Variants in ADGRB3 observed in about 807,000 individuals in gnomAD.
The protein encoded by ADGRB3 is brain-specific angiogenesis inhibitor 3.
Under a neutral mutation model 193.4 loss-of-function variants are expected in ADGRB3, and 37 were observed. The observed-to-expected ratio is 0.19, with a 90% CI of 0.15 to 0.25. The LOEUF (loss-of-function observed/expected upper bound fraction) is 0.25, where lower values mean the gene tolerates loss of function less well. Ranked by LOEUF, ADGRB3 falls within the 10% of genes least tolerant of loss-of-function variation. The pLI, the probability that ADGRB3 is intolerant of heterozygous loss-of-function variation, is 1.00. For missense variants in ADGRB3, 1,637 were observed against 1,852.9 expected (o/e 0.88, Z 2.14); for synonymous variants, 690 against 644.2 (o/e 1.07, Z -1.08).
At chr6:69,142,942 A>T in intron 17 of ADGRB3, among the ~76,000 whole-genome samples, 1 of 152,126 alleles carries the variant, frequency 6.6e-6, no homozygotes, top group East Asian at 1.9e-4. Flanking sequence ...GCTGGATCAT[A>T]TGGTACCTCT....
At chr6:68,988,433 G>A (rs1368004622) in intron 10 of ADGRB3, among the ~76,000 whole-genome samples, 3 of 152,152 alleles carry the variant, frequency 2.0e-5, no homozygotes, top group Admixed American at 2.0e-4. Flanking sequence ...GCAGGGAGAA[G>A]TGGTGAGAAA....
chr6:68,902,833 TAA>T (rs539938456), intron 3 of ADGRB3, among the ~76,000 whole-genome samples: 1 of 152,152 alleles, frequency 6.6e-6, no homozygotes, highest in Non-Finnish European at 1.5e-5. Flanking sequence ...AGACACTGAT[TAA>T]AAGTCTTTCT....
intron 3 of ADGRB3, among the ~76,000 whole-genome samples, chr6:68,641,104 C>A (rs1768073866): frequency 6.6e-6 from 1 of 152,156 alleles, no homozygotes; most frequent in African/African-American, 2.4e-5. Context: ...GGCTAATAAA[C>A]CATTAACATA....
chr6:69,119,480 T>A (rs1201689154), intron 17 of ADGRB3, among the ~76,000 whole-genome samples: 1 of 152,028 alleles, frequency 6.6e-6, no homozygotes, highest in African/African-American at 2.4e-5. Flanking sequence ...TTTGAAAAAA[T>A]AAAAAGTAGA....
intron 20 of ADGRB3, among the ~76,000 whole-genome samples, chr6:69,263,128 A>G (rs1164135026): frequency 6.6e-6 from 1 of 152,016 alleles, no homozygotes; most frequent in African/African-American, 2.4e-5. Context: ...AAAGGAAGCA[A>G]TAAACACCAC....
At chr6:68,866,690 A>T (rs935816930) in intron 3 of ADGRB3, among the ~76,000 whole-genome samples, 1 of 152,184 alleles carries the variant, frequency 6.6e-6, no homozygotes, top group Non-Finnish European at 1.5e-5. Context: ...TGGTATGGAC[A>T]ATGAAGTCCA....
chr6:68,952,088 T>C (rs952916364), intron 6 of ADGRB3, among the ~76,000 whole-genome samples: 2 of 152,294 alleles, frequency 1.3e-5, no homozygotes, highest in Admixed American at 1.3e-4. Context: ...ACAAATTCTA[T>C]CTGGAAATGC....
intron 20 of ADGRB3, among the ~76,000 whole-genome samples, chr6:69,271,943 C>A (rs1314213201): frequency 6.6e-6 from 1 of 151,954 alleles, no homozygotes. Flanking sequence ...AGAAAGGTAC[C>A]ATTTCTTATT....
intron 17 of ADGRB3, among the ~76,000 whole-genome samples, chr6:69,085,737 C>G (rs1016795581): frequency 5.9e-5 from 9 of 151,660 alleles, no homozygotes; most frequent in Admixed American, 2.0e-4. Flanking sequence ...TTAAAGGTAC[C>G]TAACATTGAC....
intron 20 of ADGRB3, among the ~76,000 whole-genome samples, chr6:69,243,233 G>A (rs1386941309): frequency 1.3e-5 from 2 of 151,890 alleles, no homozygotes; most frequent in Admixed American, 6.6e-5. Context: ...GCAAGTCTAA[G>A]TCCAAATTTT....
chr6:68,667,043 T>G (rs953729125), intron 3 of ADGRB3, among the ~76,000 whole-genome samples: 2 of 151,814 alleles, frequency 1.3e-5, no homozygotes, highest in African/African-American at 4.8e-5. Flanking sequence ...TACTGTATAG[T>G]CAAACTGCAT....
At chr6:69,111,085 C>T (rs1439010475) in intron 17 of ADGRB3, among the ~76,000 whole-genome samples, 1 of 152,116 alleles carries the variant, frequency 6.6e-6, no homozygotes, top group African/African-American at 2.4e-5. Flanking sequence ...CACACAGAAC[C>T]TTAGAATTAT....
chr6:69,336,887 A>G (rs1203262634), intron 24 of ADGRB3, among the ~76,000 whole-genome samples: 1 of 152,146 alleles, frequency 6.6e-6, no homozygotes, highest in Non-Finnish European at 1.5e-5. Flanking sequence ...GTCTCTAGGT[A>G]ACTTATCTTT....
At chr6:68,696,665 A>G (rs1316041081) in intron 3 of ADGRB3, among the ~76,000 whole-genome samples, 1 of 151,948 alleles carries the variant, frequency 6.6e-6, no homozygotes, top group East Asian at 1.9e-4. Context: ...AATGATTACC[A>G]GTAATTAAAT....
intron 3 of ADGRB3, among the ~76,000 whole-genome samples, chr6:68,820,846 T>A (rs1034479435): frequency 6.6e-6 from 1 of 152,088 alleles, no homozygotes; most frequent in African/African-American, 2.4e-5. Flanking sequence ...TAGAATAGAA[T>A]GTTATAACAA....
At chr6:69,079,409 A>G (rs1330519046) in intron 17 of ADGRB3, among the ~76,000 whole-genome samples, 1 of 152,106 alleles carries the variant, frequency 6.6e-6, no homozygotes, top group Non-Finnish European at 1.5e-5. Context: ...TAAACTAAGT[A>G]TTGATGGAAC....
chr6:69,209,179 A>G (rs111636393), intron 17 of ADGRB3, among the ~76,000 whole-genome samples: 1 of 152,180 alleles, frequency 6.6e-6, no homozygotes, highest in Non-Finnish European at 1.5e-5. Flanking sequence ...CCTGTTGCAG[A>G]ACCTTCTCCT....
chr6:69,351,391 C>T (rs1347782312), intron 26 of ADGRB3, among the ~76,000 whole-genome samples: 1 of 151,862 alleles, frequency 6.6e-6, no homozygotes, highest in Non-Finnish European at 1.5e-5. Context: ...CACGCCCTGC[C>T]CCCAGATACG....
intron 15 of ADGRB3, among the ~76,000 whole-genome samples, chr6:69,052,721 C>T (rs958627822): frequency 2.0e-5 from 3 of 152,260 alleles, no homozygotes; most frequent in South Asian, 4.1e-4. Flanking sequence ...ATTCAACTGT[C>T]CCTTGAGCTG....
Sources: allele counts gnomAD v4.1 joint callset (sites outside exome capture counted in the v4.1 genomes callset), GRCh38; gene constraint gnomAD v4.1.1; transcripts MANE v1.5; gene names NCBI Gene and HGNC (gene_info 2026-07-23, HGNC 2026-07-21).